CNTN5: variants seen among roughly 807,000 people sequenced by gnomAD.
CNTN5 encodes contactin-5.
CNTN5 carries 77 observed loss-of-function variants against 129.1 expected under a neutral mutation model. The ratio of observed to expected loss-of-function variants is 0.60; its 90% confidence interval spans 0.50 to 0.72. CNTN5 has a LOEUF of 0.72. Among genes scored for constraint, CNTN5 ranks in the 30% least tolerant of loss-of-function variants. CNTN5 has a pLI of 0.00. For missense variants in CNTN5, 1,478 were observed against 1,328.8 expected (o/e 1.11, Z -1.75); for synonymous variants, 509 against 465.6 (o/e 1.09, Z -1.20).
At chr11:99,333,601 T>C (rs1295424316) in intron 2 of CNTN5, among the ~76,000 whole-genome samples, 1 of 152,216 alleles carries the variant, frequency 6.6e-6, no homozygotes, top group South Asian at 2.1e-4. Flanking sequence ...ATGTATTTGA[T>C]ACTAAGCTAG....
intron 3 of CNTN5, among the ~76,000 whole-genome samples, chr11:99,574,078 C>T (rs1281035658): frequency 9.9e-5 from 15 of 152,046 alleles, no homozygotes; most frequent in Non-Finnish European, 4.4e-5. Context: ...CCGACAGGCC[C>T]AGGTGTGTGA....
At chr11:100,114,505 G>A (rs983255892) in intron 13 of CNTN5, among the ~76,000 whole-genome samples, 2 of 151,964 alleles carry the variant, frequency 1.3e-5, no homozygotes, top group African/African-American at 4.8e-5. Context: ...TTTTAATAAA[G>A]TTCTGATTTG....
chr11:99,682,760 C>G (rs1190321867), intron 3 of CNTN5, among the ~76,000 whole-genome samples: 2 of 151,834 alleles, frequency 1.3e-5, no homozygotes, highest in Non-Finnish European at 2.9e-5. Context: ...AAAAACACAT[C>G]AGTCAAATGG....
At chr11:100,103,621 C>T (rs1358195949) in intron 13 of CNTN5, among the ~76,000 whole-genome samples, 1 of 152,110 alleles carries the variant, frequency 6.6e-6, no homozygotes, top group Non-Finnish European at 1.5e-5. Flanking sequence ...AGCTGTGAAC[C>T]CATTCACCTT....
chr11:99,929,557 G>C (rs1950143408), intron 7 of CNTN5, among the ~76,000 whole-genome samples: 1 of 152,162 alleles, frequency 6.6e-6, no homozygotes, highest in Admixed American at 6.5e-5. Flanking sequence ...CAGTCATGGT[G>C]GAAGGGGAAG....
At position 100,051,749 on chromosome 11, in the gene CNTN5, A is replaced by G. The variant is rs1434873809; in HGVS notation, c.981-9463A>G. 3.3e-5 allele frequency among the ~76,000 whole-genome samples: 5 copies of G among 152,070 alleles called. No homozygotes were observed. The East Asian group carries it at 9.6e-4, about 29-fold the overall frequency. ...AGATAAAATTTAACCAATATCAATC[A>G]TGAAAGAGGAAACATCACTACGTCT... On this transcript the variant is annotated intron_variant, in intron 9 of 24. Coordinates refer to ENST00000524871, the MANE Select transcript of CNTN5 (RefSeq NM_014361.4).
chr11:99,385,170 C>T (rs1377996031), intron 2 of CNTN5, among the ~76,000 whole-genome samples: 2 of 136,774 alleles, frequency 1.5e-5, no homozygotes, highest in Non-Finnish European at 3.3e-5. Flanking sequence ...TGCATTCACT[C>T]TCTTAGCATT....
At chr11:99,199,480 C>T (rs1172931449) in intron 1 of CNTN5, among the ~76,000 whole-genome samples, 1 of 152,120 alleles carries the variant, frequency 6.6e-6, no homozygotes, top group African/African-American at 2.4e-5. Context: ...AAAACAACAA[C>T]CCGACATTCT....
intron 2 of CNTN5, among the ~76,000 whole-genome samples, chr11:99,471,086 T>C (rs2135274407): frequency 6.6e-6 from 1 of 152,130 alleles, no homozygotes; most frequent in East Asian, 1.9e-4. Flanking sequence ...TAGTCCCATT[T>C]CACAAACTTT....
intron 13 of CNTN5, among the ~76,000 whole-genome samples, chr11:100,095,780 A>G (rs1183027274): frequency 1.3e-5 from 2 of 151,978 alleles, no homozygotes; most frequent in African/African-American, 4.8e-5. Context: ...AAAACAATTA[A>G]AGAAAATACT....
At chr11:100,296,323 C>T (rs1484372270) in intron 18 of CNTN5, among the ~76,000 whole-genome samples, 1 of 151,428 alleles carries the variant, frequency 6.6e-6, no homozygotes, top group African/African-American at 2.4e-5. Context: ...GTCATATTTA[C>T]AGTTATTGCT....
At chr11:99,439,657 A>T (rs1943740567) in intron 2 of CNTN5, among the ~76,000 whole-genome samples, 1 of 147,222 alleles carries the variant, frequency 6.8e-6, no homozygotes, top group Non-Finnish European at 1.5e-5. Flanking sequence ...GCAGTGAGCC[A>T]AGATTGCGCC....
chr11:100,056,068 A>G (rs141131061), intron 9 of CNTN5, among the ~76,000 whole-genome samples: 1 of 151,784 alleles, frequency 6.6e-6, no homozygotes, highest in African/African-American at 2.4e-5. Context: ...TTTGATGTAT[A>G]ACCCAGCCAT....
chr11:100,299,584 CA>C (rs1748106417), intron 20 of CNTN5, among the ~76,000 whole-genome samples, 188 bp downstream of exon 20: 1 of 151,092 alleles, frequency 6.6e-6, no homozygotes, highest in African/African-American at 2.4e-5. Context: ...TTGATTATTC[CA>C]CATATGTTGC....
intron 9 of CNTN5, among the ~76,000 whole-genome samples, chr11:100,004,575 T>G (rs1940076589): frequency 6.6e-6 from 1 of 152,210 alleles, no homozygotes; most frequent in South Asian, 2.1e-4. Context: ...GGATCCCAGA[T>G]GTAATCAGGA....
intron 18 of CNTN5, among the ~76,000 whole-genome samples, chr11:100,291,270 T>A (rs1279992272): frequency 6.6e-5 from 10 of 151,628 alleles, no homozygotes; most frequent in South Asian, 2.1e-4. Flanking sequence ...ATATACCCAA[T>A]GGACTATAAA....
In CNTN5 at chr11:99,483,840, A is replaced by G. The variant is rs1756795229; in HGVS notation, c.-70-72305A>G. On this transcript the variant is annotated intron_variant, in intron 2 of 24. Coordinates refer to ENST00000524871, the MANE Select transcript of CNTN5 (RefSeq NM_014361.4). ...AGTCTCTTCAGTAAATGGTGCTAAA[A>G]GTAGATATCCATATGCAGAAGAATT... Among the ~76,000 whole-genome samples, 3 of 152,334 alleles carry G rather than the reference A, an allele frequency of 2.0e-5. No individual in the cohort carries two copies. The South Asian group carries it at 6.2e-4, about 32-fold the overall frequency.
chr11:99,628,683 A>AATATAACATATATATAACAT lies in CNTN5; in HGVS notation c.55+72422_55+72423insTATATATAACATATATAACA, dbSNP rs1434798170. 1.0e-4 allele frequency among the ~76,000 whole-genome samples: 13 copies of AATATAACATATATATAACAT among 124,602 alleles called. No homozygotes were observed. The East Asian group carries it at 2.0e-3, about 20-fold the overall frequency. The allele number at this position is 124,602 out of a possible 152,430, so 81.7% of individuals were successfully genotyped here. On this transcript the variant is annotated intron_variant, in intron 3 of 24. Transcript: ENST00000524871. ...AGATAAATAATATTTATCAACATTG[A>AATATAACATATATATAACAT]ATATAACAGCTCATAAATCTTATAG...
chr11:99,359,621 TTATTTATATAAATA>T (rs1374967389), intron 2 of CNTN5, among the ~76,000 whole-genome samples: 2 of 138,692 alleles, frequency 1.4e-5, no homozygotes, highest in African/African-American at 6.2e-5. Flanking sequence ...ATAAATATAT[TTATTTATATAAATA>T]TATTTATTCC....
Sources: gnomAD v4.1 joint callset for allele counts (sites outside exome capture counted in the v4.1 genomes callset) on GRCh38, gnomAD v4.1.1 for gene constraint, MANE v1.5 for transcripts, NCBI Gene and HGNC (gene_info 2026-07-23, HGNC 2026-07-21) for gene names.